Variants in SV2C observed in about 807,000 individuals in gnomAD.
SV2C encodes solute carrier family 22 member B3.
In SV2C, 49 loss-of-function variants were observed where a neutral mutation model predicts 79.7. That is an observed-to-expected ratio of 0.61 (90% confidence interval 0.49 to 0.78). The LOEUF (loss-of-function observed/expected upper bound fraction) is 0.78, where lower values mean the gene tolerates loss of function less well. Ranked by LOEUF, SV2C falls within the 30% of genes least tolerant of loss-of-function variation. The probability of loss-of-function intolerance (pLI) is 0.00; values close to 1 mark genes in which losing one functional copy is unlikely to be tolerated. For missense variants in SV2C, 833 were observed against 912.9 expected (o/e 0.91, Z 1.13); for synonymous variants, 334 against 333.2 (o/e 1.00, Z -0.03).
intron 9 of SV2C, among the ~76,000 whole-genome samples, chr5:76,296,371 A>G (rs545979111): frequency 6.6e-6 from 1 of 152,338 alleles, no homozygotes; most frequent in African/African-American, 2.4e-5. Context: ...TTCAGAATTC[A>G]TCCTTCCCAA....
the SV2C span, among the ~76,000 whole-genome samples, chr5:76,066,127 T>C: frequency 6.6e-6 from 1 of 152,106 alleles, no homozygotes; most frequent in Non-Finnish European, 1.5e-5. Context: ...TAAATCATGC[T>C]GCTATAAAGA....
the SV2C span, among the ~76,000 whole-genome samples, chr5:75,999,375 AAGAGAGAGAGAGAGAGAGAG>A: frequency 1.8e-4 from 24 of 134,550 alleles, no homozygotes; most frequent in Admixed American, 3.1e-4. Flanking sequence ...GGGAGGGAGA[AAGAGAGAGAGAGAGAGAGAG>A]AGAGAGAGAG....
chr5:75,965,513 C>T, the SV2C span, among the ~76,000 whole-genome samples: 1 of 152,136 alleles, frequency 6.6e-6, no homozygotes, highest in African/African-American at 2.4e-5. Context: ...CTCTCTTAAC[C>T]AGAGAACAGG....
At chr5:75,899,099 G>A in the SV2C span, among the ~76,000 whole-genome samples, 2 of 151,966 alleles carry the variant, frequency 1.3e-5, no homozygotes, top group Non-Finnish European at 2.9e-5. Flanking sequence ...GTTATTTCTT[G>A]CCTTCTGCTA....
At chr5:76,341,381 A>G (rs1749437997) in intron 12 of SV2C, among the ~76,000 whole-genome samples, 1 of 144,062 alleles carries the variant, frequency 6.9e-6, no homozygotes, top group Non-Finnish European at 1.5e-5. Context: ...ACATGAAACA[A>G]AAAAACAACA....
In SV2C at chr5:76,291,290, T is replaced by C. The variant is rs372006804; in HGVS notation, c.1207T>C (p.Tyr403His). The C allele has an allele frequency of 1.9e-6, 3 of 1,613,066 alleles. No homozygotes were observed. Among genetic ancestry groups the C allele is most frequent in the Non-Finnish European group, 1.7e-6 (2 of 1,179,666 alleles). ...IEIESDTGTWYRRCFVRIRTE... is the reference protein window; with the variant it reads ...IEIESDTGTWHRRCFVRIRTE... ...AATTGAGAGTGACACAGGAACATGG[T>C]ATAGGAGGTGTTTTGTTCGGATCCG... Residue 403 changes from tyrosine (Y) to histidine (H), a missense_variant, in exon 7 of 13, where the codon TAT becomes CAT. Coordinates refer to ENST00000502798, the MANE Select transcript of SV2C (RefSeq NM_014979.4).
At chr5:76,003,608 A>G in the SV2C span, among the ~76,000 whole-genome samples, 1 of 152,048 alleles carries the variant, frequency 6.6e-6, no homozygotes, top group South Asian at 2.1e-4. Flanking sequence ...AAGCAGCATC[A>G]CCCAAAACAC....
intron 1 of SV2C, among the ~76,000 whole-genome samples, chr5:76,122,937 TTTTTGA>T (rs1748573997): frequency 1.3e-5 from 2 of 152,128 alleles, no homozygotes; most frequent in Admixed American, 6.5e-5. Flanking sequence ...AGGAGCTGGT[TTTTTGA>T]AAGGATCAGC....
At chr5:75,913,510 C>G in the SV2C span, among the ~76,000 whole-genome samples, 34,912 of 152,082 alleles carry the variant, frequency 0.23, 7,642 homozygotes, top group African/African-American at 0.58. Context: ...TTAGGTAGAC[C>G]TAGACAGTTT....
the SV2C span, among the ~76,000 whole-genome samples, chr5:75,903,368 T>G: frequency 0.02 from 1,599 of 81,456 alleles, 33 homozygotes; most frequent in African/African-American, 0.054. Context: ...CAAAAAGGTG[T>G]TTTTTTTTTT....
the SV2C span, among the ~76,000 whole-genome samples, chr5:75,964,639 A>G: frequency 0.018 from 2,749 of 152,258 alleles, 92 homozygotes; most frequent in African/African-American, 0.061. Context: ...AGCTTCCACA[A>G]AATATTCTGG....
At chr5:76,209,023 A>G (rs940272106) in intron 3 of SV2C, among the ~76,000 whole-genome samples, 1 of 152,222 alleles carries the variant, frequency 6.6e-6, no homozygotes, top group Non-Finnish European at 1.5e-5. Context: ...CCCAGAGCTC[A>G]GTCAGCAGCT....
chr5:75,996,095 T>C, the SV2C span, among the ~76,000 whole-genome samples: 1 of 152,196 alleles, frequency 6.6e-6, no homozygotes, highest in Non-Finnish European at 1.5e-5. Context: ...CTAGGTTTTC[T>C]TCTAGGGTTT....
At chr5:76,168,457 A>T (rs367776765) in intron 2 of SV2C, among the ~76,000 whole-genome samples, 7 of 151,906 alleles carry the variant, frequency 4.6e-5, no homozygotes, top group African/African-American at 1.7e-4. Context: ...ACCACCTTTA[A>T]TCAGGTTGGC....
At chr5:76,216,060 G>A (rs1744901854) in intron 4 of SV2C, among the ~76,000 whole-genome samples, 1 of 151,482 alleles carries the variant, frequency 6.6e-6, no homozygotes, top group Admixed American at 6.8e-5. Context: ...GTTAGACACT[G>A]GAATAAGGGA....
At chr5:76,118,260 CTTTTGTCTCTGTGTCTTCTCT>C (rs1372377197) in intron 1 of SV2C, among the ~76,000 whole-genome samples, 1 of 151,986 alleles carries the variant, frequency 6.6e-6, no homozygotes, top group Non-Finnish European at 1.5e-5. Context: ...TGGTCTTCTC[CTTTTGTCTCTGTGTCTTCTCT>C]CTTCTGTCTG....
the SV2C span, among the ~76,000 whole-genome samples, chr5:76,036,007 T>C: frequency 2.0e-5 from 3 of 152,190 alleles, no homozygotes; most frequent in African/African-American, 7.2e-5. Context: ...GTAATGGCCT[T>C]CTTTGTCTTT....
At chr5:76,008,579 T>C in the SV2C span, among the ~76,000 whole-genome samples, 16 of 152,226 alleles carry the variant, frequency 1.1e-4, 1 homozygote, top group East Asian at 2.9e-3. Flanking sequence ...GGCTTTGCCA[T>C]AAAAATATGT....
At chr5:76,306,562 A>C (rs1269721626) in intron 12 of SV2C, among the ~76,000 whole-genome samples, 2 of 152,222 alleles carry the variant, frequency 1.3e-5, no homozygotes, top group African/African-American at 4.8e-5. Flanking sequence ...ACATTCCCTA[A>C]AACCTTAGCT....
Sources: allele counts gnomAD v4.1 joint callset (sites outside exome capture counted in the v4.1 genomes callset), GRCh38; gene constraint gnomAD v4.1.1; transcripts MANE v1.5; gene names NCBI Gene and HGNC (gene_info 2026-07-23, HGNC 2026-07-21).